Variants in CWC27 observed in about 807,000 individuals in gnomAD.
The protein encoded by CWC27 is CWC27 spliceosome associated cyclophilin.
In CWC27, 47 loss-of-function variants were observed where a neutral mutation model predicts 63.6. The observed-to-expected ratio is 0.74, with a 90% confidence interval of 0.58 to 0.94. The LOEUF is 0.94. Among genes scored for constraint, CWC27 ranks in the 40% least tolerant of loss-of-function variants. The probability of loss-of-function intolerance (pLI) is 0.00; values close to 1 mark genes in which losing one functional copy is unlikely to be tolerated. For synonymous variants in CWC27, 175 were observed against 179.8 expected (o/e 0.97, Z 0.22); for missense variants, 495 against 554.3 (o/e 0.89, Z 1.07).
At chr5:64,773,121 G>A (rs1340562633) in intron 1 of CWC27, among the ~76,000 whole-genome samples, 1 of 152,036 alleles carries the variant, frequency 6.6e-6, no homozygotes, top group Admixed American at 6.6e-5. Context: ...ACCTCAGCAT[G>A]GGAAGTCTGT....
In CWC27 at chr5:64,957,550, G is replaced by A. The variant is rs554738084; in HGVS notation, c.1043-14153G>A. ...ACTACAGCTGATAGGTAGAAAGCTG[G>A]AGCCCCCAAAAGAAAAGCACATATG... On this transcript the variant is annotated intron_variant, in intron 11 of 13. Coordinates refer to ENST00000381070, the MANE Select transcript of CWC27 (RefSeq NM_005869.4). 2.0e-5 allele frequency among the ~76,000 whole-genome samples: 3 copies of A among 152,210 alleles called. No homozygotes were observed. In the East Asian group the frequency reaches 5.8e-4, roughly 29 times the overall value.
intron 10 of CWC27, among the ~76,000 whole-genome samples, chr5:64,876,031 C>T (rs1746785260): frequency 6.6e-6 from 1 of 152,038 alleles, no homozygotes; most frequent in Admixed American, 6.6e-5. Flanking sequence ...ACTTAGTTGT[C>T]CAATGCGGTA....
chr5:64,960,787 C>CT (rs34208029), intron 11 of CWC27, among the ~76,000 whole-genome samples: 58,195 of 151,016 alleles, frequency 0.39, 11,659 homozygotes, highest in Non-Finnish European at 0.45. Context: ...CAGTACACTT[C>CT]TTTTTTTTTA....
At chr5:64,794,697 C>T (rs1230534127) in intron 7 of CWC27, among the ~76,000 whole-genome samples, 1 of 152,036 alleles carries the variant, frequency 6.6e-6, no homozygotes, top group South Asian at 2.1e-4. Flanking sequence ...AAAATATGAT[C>T]CTAGACTTCA....
chr5:64,798,925 G>A (rs189463539), intron 7 of CWC27, among the ~76,000 whole-genome samples: 257 of 152,264 alleles, frequency 1.7e-3, no homozygotes, highest in African/African-American at 5.8e-3. Flanking sequence ...TTGGGGTGGT[G>A]AGCATCTTCC....
chr5:64,873,843 G>C (rs1388898560), intron 10 of CWC27, among the ~76,000 whole-genome samples: 3 of 151,958 alleles, frequency 2.0e-5, no homozygotes, highest in Non-Finnish European at 4.4e-5. Context: ...AATCCATCTT[G>C]AGTTGATCTT....
At chr5:64,882,684 C>G (rs941939353) in intron 10 of CWC27, among the ~76,000 whole-genome samples, 2 of 152,186 alleles carry the variant, frequency 1.3e-5, no homozygotes, top group African/African-American at 4.8e-5. Flanking sequence ...GGCTCCGCCT[C>G]TCGGGTTTGC....
chr5:64,993,383 A>G (rs1262027859), intron 13 of CWC27, among the ~76,000 whole-genome samples: 1 of 152,230 alleles, frequency 6.6e-6, no homozygotes, highest in Admixed American at 6.5e-5. Flanking sequence ...CAGTTATGTT[A>G]TCTATGACCT....
At position 64,977,245 on chromosome 5, in the gene CWC27, G is replaced by C. The variant is rs1474719330; in HGVS notation, c.1256+7G>C. The C allele has an allele frequency of 1.9e-6, 3 of 1,583,564 alleles. No individual in the cohort carries two copies. The highest frequency in any genetic ancestry group is 1.7e-6 in the Non-Finnish European group (2 of 1,153,710). ...TAGAAGATGATGAAGGATGGTAAGG[G>C]CTTTGATTTCTGTATATTAACCATG... On this transcript the variant is annotated splice_region_variant and intron_variant, in intron 13 of 13. Transcript: ENST00000381070.
intron 8 of CWC27, among the ~76,000 whole-genome samples, chr5:64,800,966 G>A (rs1258166224): frequency 6.6e-6 from 1 of 152,008 alleles, no homozygotes; most frequent in Admixed American, 6.6e-5. Flanking sequence ...TGAAGGATTT[G>A]GGGGTTTTTT....
chr5:64,816,099 A>C (rs926852948), intron 10 of CWC27, among the ~76,000 whole-genome samples: 8 of 152,122 alleles, frequency 5.3e-5, no homozygotes, highest in African/African-American at 1.7e-4. Flanking sequence ...TTATCCTCAC[A>C]TACCTGTTTT....
chr5:64,972,268 G>A lies in CWC27; in HGVS notation c.1152+456G>A, dbSNP rs1240738754. ...TCTGCTAGCTGACTTCTATTCATTAGTACAAGTAATTCCTGAATCTTTAGG... is the reference window on the plus strand; with the variant it reads ...TCTGCTAGCTGACTTCTATTCATTAATACAAGTAATTCCTGAATCTTTAGG... On this transcript the variant is annotated intron_variant, in intron 12 of 13. Coordinates refer to ENST00000381070, the MANE Select transcript of CWC27 (RefSeq NM_005869.4). Among the ~76,000 whole-genome samples the A allele has an allele frequency of 1.3e-5, 2 of 152,254 alleles. 1 individual carries two copies. Among genetic ancestry groups the A allele is most frequent in the South Asian group, 4.1e-4 (2 of 4,828 alleles).
rs116495992 is a variant in CWC27, at chr5:64,851,008, T to C, written c.939-34435T>C. ...ACTGTATGATGATTCCTCAAAAATC[T>C]AACATTAGCATTATATGAATCAGAA... On this transcript the variant is annotated intron_variant, in intron 10 of 13. Coordinates refer to ENST00000381070, the MANE Select transcript of CWC27 (RefSeq NM_005869.4). 1.2e-3 allele frequency among the ~76,000 whole-genome samples: 182 copies of C among 152,320 alleles called. 3 individuals are homozygous for C. The highest frequency in any genetic ancestry group is 4.3e-3 in the African/African-American group (178 of 41,568).
At position 64,943,127 on chromosome 5, in the gene CWC27, C is replaced by T. The variant is rs188944454; in HGVS notation, c.1043-28576C>T. On this transcript the variant is annotated intron_variant, in intron 11 of 13. Transcript: ENST00000381070. ...TGGTGATAGCAGTGGTAAAATGTTTCATCAGTATGATTATACTCCTAGGTG... is the reference window on the plus strand; with the variant it reads ...TGGTGATAGCAGTGGTAAAATGTTTTATCAGTATGATTATACTCCTAGGTG... Among the ~76,000 whole-genome samples, 7 of 151,952 alleles carry T rather than the reference C, an allele frequency of 4.6e-5. No homozygotes were observed. In the East Asian group the frequency reaches 1.2e-3, roughly 25 times the overall value.
In CWC27 at chr5:64,784,020, G is replaced by C. The variant is rs201949302; in HGVS notation, c.396+41G>C. 29 of 1,504,784 alleles carry C rather than the reference G, an allele frequency of 1.9e-5. No homozygotes were observed. In the East Asian group the frequency reaches 6.9e-4, roughly 36 times the overall value. The allele number at this position is 1,504,784 out of a possible 1,614,324, so 93.2% of individuals were successfully genotyped here. ...TTTTAAACCTGTGGTTCAGTTTTTG[G>C]TTTTATGTTATTCCTTAGACTTCTA... On this transcript the variant is annotated intron_variant, in intron 4 of 13. Transcript: ENST00000381070.
At chr5:64,938,187 A>G (rs931503528) in intron 11 of CWC27, among the ~76,000 whole-genome samples, 4 of 152,066 alleles carry the variant, frequency 2.6e-5, no homozygotes, top group Admixed American at 2.0e-4. Flanking sequence ...TTGATGCGGT[A>G]TCTTCATAGT....
intron 9 of CWC27, among the ~76,000 whole-genome samples, chr5:64,803,769 A>G (rs1744564795): frequency 6.6e-6 from 1 of 152,114 alleles, no homozygotes; most frequent in South Asian, 2.1e-4. Flanking sequence ...GACCCACTAG[A>G]GGGTTTTCAC....
At chr5:64,802,771 T>C (rs1744532571) in intron 9 of CWC27, among the ~76,000 whole-genome samples, 1 of 152,152 alleles carries the variant, frequency 6.6e-6, no homozygotes, top group Non-Finnish European at 1.5e-5. Context: ...ATGAGCTTAA[T>C]TTTATACATT....
chr5:64,818,116 G>A (rs776451257), intron 10 of CWC27, among the ~76,000 whole-genome samples: 2 of 151,980 alleles, frequency 1.3e-5, no homozygotes, highest in Non-Finnish European at 2.9e-5. Flanking sequence ...TAATTGGTGG[G>A]TTTCTGCTCT....
Sources: allele counts gnomAD v4.1 joint callset (sites outside exome capture counted in the v4.1 genomes callset), GRCh38; gene constraint gnomAD v4.1.1; transcripts MANE v1.5; gene names NCBI Gene and HGNC (gene_info 2026-07-23, HGNC 2026-07-21).